RTN1: variants seen among roughly 807,000 people sequenced by gnomAD.
RTN1 encodes reticulon-1.
In RTN1, 25 loss-of-function variants were observed where a neutral mutation model predicts 65.5. The ratio of observed to expected loss-of-function variants is 0.38; its 90% CI spans 0.28 to 0.53. The LOEUF is 0.53. Ranked by LOEUF, RTN1 falls within the 20% of genes least tolerant of loss-of-function variation. The pLI, the probability that RTN1 is intolerant of heterozygous loss-of-function variation, is 0.79. For synonymous variants in RTN1, 471 were observed against 447.6 expected (o/e 1.05, Z -0.66); for missense variants, 983 against 1,025.4 (o/e 0.96, Z 0.57).
chr14:59,673,190 A>T (rs1198261755), intron 3 of RTN1, among the ~76,000 whole-genome samples: 1 of 152,192 alleles, frequency 6.6e-6, no homozygotes, highest in Non-Finnish European at 1.5e-5. Flanking sequence ...CTCTGTAGCC[A>T]CTGTGTTACA....
chr14:59,625,369 T>C (rs1280129060), intron 3 of RTN1, among the ~76,000 whole-genome samples: 2 of 152,176 alleles, frequency 1.3e-5, no homozygotes, highest in South Asian at 2.1e-4. Flanking sequence ...TGTCCCTCTG[T>C]AGGGTCTAAA....
intron 1 of RTN1, among the ~76,000 whole-genome samples, chr14:59,786,289 C>T (rs947484124): frequency 2.1e-4 from 32 of 152,276 alleles, no homozygotes; most frequent in African/African-American, 6.7e-4. Flanking sequence ...TTTACTATTA[C>T]GTGAGTTTGG....
At chr14:59,776,496 T>C (rs1026528411) in intron 1 of RTN1, among the ~76,000 whole-genome samples, 3 of 152,106 alleles carry the variant, frequency 2.0e-5, no homozygotes, top group Non-Finnish European at 4.4e-5. Flanking sequence ...AGAAAATAAA[T>C]TTTTCTCTTT....
In RTN1 at chr14:59,794,551, T is replaced by G. The variant is rs1275408638; in HGVS notation, c.242-48070A>C. Among the ~76,000 whole-genome samples the G allele has an allele frequency of 1.3e-5, 2 of 152,154 alleles. No individual in the cohort carries two copies. The highest frequency in any genetic ancestry group is 4.8e-5 in the African/African-American group (2 of 41,428). ...TCTTCCTCCTGCTTCCCAACTATAT[T>G]AGAATACAGTTTTAATTACTGTAAC... On this transcript the variant is annotated intron_variant, in intron 1 of 8. Coordinates refer to ENST00000267484, the MANE Select transcript of RTN1 (RefSeq NM_021136.3). The surrounding 1 kb of genome is among the most constrained non-coding windows in gnomAD (Gnocchi z 5.1).
At chr14:59,769,939 AG>A (rs1290895778) in intron 1 of RTN1, among the ~76,000 whole-genome samples, 1 of 152,236 alleles carries the variant, frequency 6.6e-6, no homozygotes, top group Non-Finnish European at 1.5e-5. Flanking sequence ...AAAGGAGATA[AG>A]GAACCCTACC....
chr14:59,786,792 T>C (rs773206003), intron 1 of RTN1, among the ~76,000 whole-genome samples: 3 of 152,216 alleles, frequency 2.0e-5, no homozygotes, highest in Non-Finnish European at 4.4e-5. Context: ...CTTTGCTGTC[T>C]GAGCAACATA....
At chr14:59,845,157 A>G (rs1324518895) in intron 1 of RTN1, among the ~76,000 whole-genome samples, 1 of 152,190 alleles carries the variant, frequency 6.6e-6, no homozygotes, top group Non-Finnish European at 1.5e-5. Context: ...TCTTTTGTAC[A>G]GTGTTGCAAA....
At chr14:59,783,993 C>T (rs1886205186) in intron 1 of RTN1, among the ~76,000 whole-genome samples, 1 of 149,912 alleles carries the variant, frequency 6.7e-6, no homozygotes, top group Non-Finnish European at 1.5e-5. Flanking sequence ...TCCTTAGAAA[C>T]ACTTATTGGC....
At chr14:59,853,607 T>A (rs550684782) in intron 1 of RTN1, among the ~76,000 whole-genome samples, 1 of 152,290 alleles carries the variant, frequency 6.6e-6, no homozygotes, top group East Asian at 1.9e-4. Flanking sequence ...CCTTCCCATC[T>A]TAAGGGTTGA....
At chr14:59,751,212 T>TC in intron 1 of RTN1, among the ~76,000 whole-genome samples, 1 of 149,680 alleles carries the variant, frequency 6.7e-6, no homozygotes, top group Admixed American at 6.7e-5. Flanking sequence ...TTTTTTTTTT[T>TC]TTGCATATGG....
intron 1 of RTN1, among the ~76,000 whole-genome samples, chr14:59,780,028 C>T (rs139568169): frequency 6.6e-6 from 1 of 152,336 alleles, no homozygotes; most frequent in African/African-American, 2.4e-5. Context: ...TCACTCAACA[C>T]TAATTGGTAT....
At chr14:59,693,637 C>CT (rs1299985126) in intron 3 of RTN1, among the ~76,000 whole-genome samples, 3 of 152,192 alleles carry the variant, frequency 2.0e-5, no homozygotes, top group African/African-American at 7.2e-5. Flanking sequence ...AGTTACTTCA[C>CT]TTAGAATAAT....
Position 59,603,868 on chromosome 14 carries a change from C to T in RTN1, c.2166G>A (p.Leu722=), listed in dbSNP as rs1881658892. Reference sequence around the variant, plus strand: ...TGCTCTTACCCATGAGCAGCAGGGTCAGGCCATTGAAGAGAGCGCCAACGT... The same window carrying T: ...TGCTCTTACCCATGAGCAGCAGGGTTAGGCCATTGAAGAGAGCGCCAACGT... The part of the protein sequence containing the change: ...LTYVGALFNG[L]TLLLMAVVSM... Residue 722 remains leucine, a synonymous_variant, in exon 6 of 9, where the codon CTG becomes CTA. Transcript: ENST00000267484. 6.2e-7 allele frequency: 1 copy of T among 1,611,670 alleles called. No individual in the cohort carries two copies. The highest frequency in any genetic ancestry group is 8.5e-7 in the Non-Finnish European group (1 of 1,178,252).
At chr14:59,714,006 C>A (rs1248636489) in intron 3 of RTN1, among the ~76,000 whole-genome samples, 1 of 152,154 alleles carries the variant, frequency 6.6e-6, no homozygotes, top group East Asian at 1.9e-4. Flanking sequence ...GAGGCCGAGG[C>A]AGGCAGATCA....
At chr14:59,844,012 G>C (rs1014598709) in intron 1 of RTN1, among the ~76,000 whole-genome samples, 28 of 152,168 alleles carry the variant, frequency 1.8e-4, no homozygotes, top group African/African-American at 6.5e-4. Flanking sequence ...GCTGCTTTGA[G>C]AATCTCGGCA....
At chr14:59,618,420 G>C (rs1234220326) in intron 3 of RTN1, among the ~76,000 whole-genome samples, 2 of 152,154 alleles carry the variant, frequency 1.3e-5, no homozygotes, top group Non-Finnish European at 2.9e-5. Context: ...CTGAGCACAA[G>C]AAGACAGCTT....
intron 1 of RTN1, among the ~76,000 whole-genome samples, chr14:59,750,066 T>A (rs1357560414): frequency 5.7e-5 from 2 of 34,910 alleles, no homozygotes; most frequent in African/African-American, 2.7e-4. Context: ...ATACATATAT[T>A]ATATATTATA....
Position 59,630,590 on chromosome 14 carries a change from G to C in RTN1, c.1766-23098C>G, listed in dbSNP as rs552570969. 3.1e-6 allele frequency: 5 copies of C among 1,595,342 alleles called. No homozygotes were observed. In the South Asian group the frequency reaches 5.5e-5, roughly 18 times the overall value. On this transcript the variant is annotated intron_variant, in intron 3 of 8. Transcript: ENST00000267484. ...GCGTTGGTGCCCGGCTGCTGCGGCT[G>C]GGCTCGCAGTGGCCGCGCGGCTGCG...
At position 59,651,504 on chromosome 14, in the gene RTN1, G is replaced by A. The variant is rs181646352; in HGVS notation, c.1766-44012C>T. Among the ~76,000 whole-genome samples, 35 of 152,140 alleles carry A rather than the reference G, an allele frequency of 2.3e-4. No homozygotes were observed. The East Asian group carries it at 4.3e-3, about 19-fold the overall frequency. ...TCTGTAATTGCAGCACTTTGGGACCGAGTTGGATGGATCACCTGAGGTCAG... is the reference window on the plus strand; with the variant it reads ...TCTGTAATTGCAGCACTTTGGGACCAAGTTGGATGGATCACCTGAGGTCAG... On this transcript the variant is annotated intron_variant, in intron 3 of 8. Coordinates refer to ENST00000267484, the MANE Select transcript of RTN1 (RefSeq NM_021136.3).
Sources: gnomAD v4.1 joint callset for allele counts (sites outside exome capture counted in the v4.1 genomes callset) on GRCh38, gnomAD v4.1.1 for gene constraint, Gnocchi (gnomAD v3.1) non-coding constraint, MANE v1.5 for transcripts, NCBI Gene and HGNC (gene_info 2026-07-23, HGNC 2026-07-21) for gene names.